The following CTNNA3 variants were observed in gnomAD, a reference collection of about 807,000 sequenced individuals.
The protein encoded by CTNNA3 is catenin alpha 3, also known as catenin alpha-3.
CTNNA3 carries 76 observed loss-of-function variants against 95.7 expected under a neutral mutation model. The observed-to-expected ratio is 0.79, with a 90% CI of 0.66 to 0.96. The LOEUF (loss-of-function observed/expected upper bound fraction) is 0.96. Ranked by LOEUF, CTNNA3 falls within the 40% of genes least tolerant of loss-of-function variation. CTNNA3 has a pLI of 0.00. For missense variants in CTNNA3, 1,191 were observed against 1,089.8 expected, an observed-to-expected ratio of 1.09 and a Z score of -1.31; for synonymous variants, 431 against 374.4, an observed-to-expected ratio of 1.15 and a Z score of -1.74.
intron 5 of CTNNA3, among the ~76,000 whole-genome samples, chr10:67,331,550 A>T (rs1315632725): frequency 6.6e-6 from 1 of 152,144 alleles, no homozygotes; most frequent in Non-Finnish European, 1.5e-5. Context: ...AGAATGGGCT[A>T]GTTCAGATTT....
At chr10:66,859,761 C>A (rs1024358320) in intron 7 of CTNNA3, among the ~76,000 whole-genome samples, 4 of 127,328 alleles carry the variant, frequency 3.1e-5, no homozygotes, top group African/African-American at 1.2e-4. Flanking sequence ...GACTTGGAAC[C>A]AACCCAAATG....
intron 5 of CTNNA3, among the ~76,000 whole-genome samples, chr10:67,322,982 C>CT (rs1410802289): frequency 1.1e-4 from 17 of 152,118 alleles, no homozygotes; most frequent in African/African-American, 4.1e-4. Context: ...TGATTTTAAG[C>CT]TTTTTTTCAT....
At chr10:67,585,053 C>A (rs1354637396) in intron 3 of CTNNA3, among the ~76,000 whole-genome samples, 1 of 152,208 alleles carries the variant, frequency 6.6e-6, no homozygotes, top group Non-Finnish European at 1.5e-5. Context: ...AGCTCACACT[C>A]CATGGGCTGC....
chr10:66,701,852 C>T (rs553393868), intron 9 of CTNNA3, among the ~76,000 whole-genome samples: 88 of 152,100 alleles, frequency 5.8e-4, no homozygotes, highest in African/African-American at 1.6e-3. Context: ...ATGGGACCCA[C>T]GTCTAAATAC....
intron 9 of CTNNA3, among the ~76,000 whole-genome samples, chr10:66,736,061 G>A (rs889418708): frequency 6.6e-6 from 1 of 152,186 alleles, no homozygotes; most frequent in Non-Finnish European, 1.5e-5. Flanking sequence ...AACCTGCAGA[G>A]TGCAGTTGAG....
rs1299224316 is a variant in CTNNA3, at chr10:66,676,827, A to C, written c.1282-55043T>G. Among the ~76,000 whole-genome samples, 2 of 152,172 alleles carry C rather than the reference A, an allele frequency of 1.3e-5. 1 individual carries two copies. The highest frequency in any genetic ancestry group is 4.8e-5 in the African/African-American group (2 of 41,464). On this transcript the variant is annotated intron_variant, in intron 9 of 17. Transcript: ENST00000433211. ...AATAGTTAATAAACATTCTGGCAGCACAGGCTGGCCCACATGCCTTCATTT... is the reference window on the plus strand; with the variant it reads ...AATAGTTAATAAACATTCTGGCAGCCCAGGCTGGCCCACATGCCTTCATTT...
Position 66,556,302 on chromosome 10 carries a change from G to A in CTNNA3, c.1375-35529C>T, listed in dbSNP as rs142302365. Among the ~76,000 whole-genome samples, 485 of 152,078 alleles carry A rather than the reference G, an allele frequency of 3.2e-3. 11 individuals carry two copies. In the East Asian group the frequency reaches 0.049, roughly 15 times the overall value. On this transcript the variant is annotated intron_variant, in intron 10 of 17. Coordinates refer to ENST00000433211, the MANE Select transcript of CTNNA3 (RefSeq NM_013266.4). ...GTATAGCCATTATGGAAAAGAATAT[G>A]GAAGTTCATCAAAAAATTAAAAATA...
chr10:67,735,140 CACACAA>C (rs199680761), intron 1 of CTNNA3, among the ~76,000 whole-genome samples: 16,463 of 115,054 alleles, frequency 0.14, 1,216 homozygotes, highest in East Asian at 0.44. Flanking sequence ...CACACACACA[CACACAA>C]ACACACACAC....
intron 13 of CTNNA3, among the ~76,000 whole-genome samples, chr10:66,189,139 T>C (rs891416106): frequency 6.6e-6 from 1 of 152,108 alleles, no homozygotes; most frequent in Non-Finnish European, 1.5e-5. Flanking sequence ...CAATTAGATA[T>C]ATGGTTCACA....
chr10:67,035,770 TCTTATAG>T (rs1462166946), intron 7 of CTNNA3, among the ~76,000 whole-genome samples: 1 of 140,896 alleles, frequency 7.1e-6, no homozygotes, highest in Non-Finnish European at 1.5e-5. Flanking sequence ...TTAATGTTAT[TCTTATAG>T]CTTTTATCAA....
chr10:67,450,110 C>T (rs967758244), intron 5 of CTNNA3, among the ~76,000 whole-genome samples: 1 of 152,124 alleles, frequency 6.6e-6, no homozygotes, highest in Non-Finnish European at 1.5e-5. Flanking sequence ...CATCTCACAC[C>T]AGTCAGGATG....
chr10:66,978,098 T>A (rs778385806), intron 7 of CTNNA3, among the ~76,000 whole-genome samples: 1 of 151,540 alleles, frequency 6.6e-6, no homozygotes, highest in African/African-American at 2.4e-5. Flanking sequence ...ACACATGCGA[T>A]GACGTTCCTG....
At chr10:67,115,389 A>C (rs1020714880) in intron 7 of CTNNA3, among the ~76,000 whole-genome samples, 4 of 151,966 alleles carry the variant, frequency 2.6e-5, no homozygotes, top group Non-Finnish European at 5.9e-5. Context: ...CCTAATGCTA[A>C]ATGATGAGTT....
At chr10:67,650,306 C>A (rs1339439855) in intron 1 of CTNNA3, among the ~76,000 whole-genome samples, 1 of 152,126 alleles carries the variant, frequency 6.6e-6, no homozygotes, top group Non-Finnish European at 1.5e-5. Flanking sequence ...TTGAAACCTG[C>A]CACTTTTAAA....
intron 7 of CTNNA3, among the ~76,000 whole-genome samples, chr10:67,058,261 A>C (rs1855557084): frequency 6.6e-6 from 1 of 152,230 alleles, no homozygotes; most frequent in Admixed American, 6.5e-5. Context: ...GGGATTATGC[A>C]GATACCATAT....
chr10:66,971,690 G>C (rs976245206), intron 7 of CTNNA3, among the ~76,000 whole-genome samples: 1 of 152,000 alleles, frequency 6.6e-6, no homozygotes, highest in Admixed American at 6.6e-5. Flanking sequence ...AACAGGTAAG[G>C]GTATAAACCA....
chr10:66,049,805 G>A (rs775250528), intron 15 of CTNNA3, among the ~76,000 whole-genome samples: 32 of 152,096 alleles, frequency 2.1e-4, no homozygotes, highest in South Asian at 6.2e-4. Flanking sequence ...GGGGAAGGGT[G>A]GGAGGAGGAG....
At chr10:67,084,051 G>A (rs1160723811) in intron 7 of CTNNA3, among the ~76,000 whole-genome samples, 1 of 152,060 alleles carries the variant, frequency 6.6e-6, no homozygotes, top group African/African-American at 2.4e-5. Context: ...CAGGGAGAAG[G>A]TAGGATCAGG....
chr10:66,528,653 T>G (rs927477310), intron 10 of CTNNA3, among the ~76,000 whole-genome samples: 1 of 152,168 alleles, frequency 6.6e-6, no homozygotes, highest in Non-Finnish European at 1.5e-5. Flanking sequence ...TAATTTCAGG[T>G]GTTTTACAGT....
Sources: gnomAD v4.1 joint callset for allele counts (sites outside exome capture counted in the v4.1 genomes callset) on GRCh38, gnomAD v4.1.1 for gene constraint, MANE v1.5 for transcripts, NCBI Gene and HGNC (gene_info 2026-07-23, HGNC 2026-07-21) for gene names.